Variants in PTPRK observed in about 807,000 individuals in gnomAD.
PTPRK encodes the protein receptor-type tyrosine-protein phosphatase kappa.
A neutral mutation model predicts 178.0 loss-of-function variants in PTPRK; 75 were observed. That is an observed-to-expected ratio of 0.42 (90% confidence interval 0.35 to 0.51). The LOEUF is 0.51. PTPRK is among the 20% of genes least tolerant of loss of function. The pLI, the probability that PTPRK is intolerant of heterozygous loss-of-function variation, is 0.02. For synonymous variants in PTPRK, 637 were observed against 620.6 expected (o/e 1.03, Z -0.39); for missense variants, 1,441 against 1,797.8 (o/e 0.80, Z 3.59).
intron 3 of PTPRK, among the ~76,000 whole-genome samples, chr6:128,247,468 T>C (rs573655698): frequency 2.3e-4 from 35 of 152,202 alleles, no homozygotes; most frequent in African/African-American, 8.2e-4. Flanking sequence ...TATAGGCACA[T>C]GCCACCACGC....
chr6:128,424,407 CTCAAGGAAGT>C (rs1167858688), intron 1 of PTPRK, among the ~76,000 whole-genome samples: 1 of 152,140 alleles, frequency 6.6e-6, no homozygotes, highest in African/African-American at 2.4e-5. Flanking sequence ...GCCCACATCT[CTCAAGGAAGT>C]AAGATTTTGC....
intron 6 of PTPRK, among the ~76,000 whole-genome samples, chr6:128,207,800 C>G (rs1046394481): frequency 4.6e-5 from 7 of 152,120 alleles, no homozygotes; most frequent in Non-Finnish European, 1.0e-4. Context: ...AATTAAGTAT[C>G]TTACCCACCC....
chr6:128,469,695 G>A (rs768023574), intron 1 of PTPRK, among the ~76,000 whole-genome samples: 11 of 152,086 alleles, frequency 7.2e-5, no homozygotes, highest in African/African-American at 9.7e-5. Flanking sequence ...TAGGTTATCC[G>A]GCAAAGAGGA....
intron 13 of PTPRK, among the ~76,000 whole-genome samples, chr6:128,034,447 GT>G (rs1339205306): frequency 6.6e-6 from 1 of 152,180 alleles, no homozygotes; most frequent in Non-Finnish European, 1.5e-5. Flanking sequence ...ATACTTGCAT[GT>G]TTAACAAGCT....
At chr6:128,112,010 C>T (rs1243025761) in intron 7 of PTPRK, among the ~76,000 whole-genome samples, 1 of 151,968 alleles carries the variant, frequency 6.6e-6, no homozygotes, top group African/African-American at 2.4e-5. Flanking sequence ...AAAGGTTTTA[C>T]AGCTTTCATG....
intron 1 of PTPRK, among the ~76,000 whole-genome samples, chr6:128,464,650 T>TATATAC (rs1554271903): frequency 1.0e-5 from 1 of 96,296 alleles, no homozygotes; most frequent in Non-Finnish European, 2.0e-5. Flanking sequence ...TATATATATA[T>TATATAC]ATATATATAT....
chr6:128,463,295 C>T (rs1215148669), intron 1 of PTPRK, among the ~76,000 whole-genome samples: 1 of 152,106 alleles, frequency 6.6e-6, no homozygotes, highest in East Asian at 1.9e-4. Flanking sequence ...TTTATACTAT[C>T]TATTGTCTCT....
chr6:128,166,237 C>A (rs1799379367), intron 7 of PTPRK, among the ~76,000 whole-genome samples: 1 of 151,634 alleles, frequency 6.6e-6, no homozygotes, highest in African/African-American at 2.4e-5. Context: ...CAAGCATAAT[C>A]CCAACAGAAA....
chr6:128,153,437 A>G (rs1797553154), intron 7 of PTPRK, among the ~76,000 whole-genome samples: 1 of 151,970 alleles, frequency 6.6e-6, no homozygotes, highest in Non-Finnish European at 1.5e-5. Flanking sequence ...CAGCATGTGG[A>G]TTTTCCTATT....
intron 7 of PTPRK, among the ~76,000 whole-genome samples, chr6:128,104,431 C>T (rs1223199705): frequency 6.6e-6 from 1 of 152,138 alleles, no homozygotes; most frequent in Non-Finnish European, 1.5e-5. Flanking sequence ...ACTGTGTTAG[C>T]CAGGACGGTC....
At chr6:128,505,105 TTG>T (rs1856125884) in intron 1 of PTPRK, among the ~76,000 whole-genome samples, 1 of 143,872 alleles carries the variant, frequency 7.0e-6, no homozygotes, top group African/African-American at 2.5e-5. Context: ...AGAAATTTAC[TTG>T]TTTTTTTTTT....
At chr6:128,164,997 C>T (rs1799194564) in intron 7 of PTPRK, among the ~76,000 whole-genome samples, 1 of 151,142 alleles carries the variant, frequency 6.6e-6, no homozygotes, top group South Asian at 2.1e-4. Context: ...TCATAGCAAA[C>T]ATAACAGTCC....
intron 11 of PTPRK, among the ~76,000 whole-genome samples, chr6:128,076,690 A>T (rs188869696): frequency 2.4e-4 from 37 of 152,208 alleles, no homozygotes; most frequent in Middle Eastern, 3.4e-3. Context: ...AAATCTTGCC[A>T]ACAAATACAA....
At chr6:128,292,717 A>T (rs559180535) in intron 3 of PTPRK, among the ~76,000 whole-genome samples, 1 of 152,224 alleles carries the variant, frequency 6.6e-6, no homozygotes, top group African/African-American at 2.4e-5. Flanking sequence ...CAGGTAATAG[A>T]TAATCCTACT....
chr6:128,246,274 C>G (rs1260945356), intron 3 of PTPRK, among the ~76,000 whole-genome samples: 3 of 152,060 alleles, frequency 2.0e-5, no homozygotes, highest in Non-Finnish European at 4.4e-5. Context: ...ATTTCTAGGT[C>G]TATCTTAGCT....
intron 2 of PTPRK, among the ~76,000 whole-genome samples, chr6:128,359,820 C>T (rs117700054): frequency 0.016 from 2,362 of 151,820 alleles, 26 homozygotes; most frequent in Non-Finnish European, 0.023. Flanking sequence ...TGTGAAAGAG[C>T]GTTTGCCTAC....
chr6:128,085,052 G>A (rs1050412919), intron 8 of PTPRK: 2 of 152,122 alleles, frequency 1.3e-5, no homozygotes, highest in African/African-American at 4.8e-5. Context: ...GATATCTCAC[G>A]AGAGCAGGAT....
intron 1 of PTPRK, among the ~76,000 whole-genome samples, chr6:128,499,006 C>A (rs1182183267): frequency 6.6e-6 from 1 of 152,076 alleles, no homozygotes; most frequent in Non-Finnish European, 1.5e-5. Context: ...AATTTTAAAT[C>A]GAGTTTTATT....
chr6:128,369,035 T>A (rs1014616312), intron 2 of PTPRK, among the ~76,000 whole-genome samples: 1 of 152,124 alleles, frequency 6.6e-6, no homozygotes, highest in Non-Finnish European at 1.5e-5. Flanking sequence ...CACGTTCTTT[T>A]AAAGAGCCTT....
Sources: allele counts gnomAD v4.1 joint callset (sites outside exome capture counted in the v4.1 genomes callset), GRCh38; gene constraint gnomAD v4.1.1; transcripts MANE v1.5; gene names NCBI Gene and HGNC (gene_info 2026-07-23, HGNC 2026-07-21).